Variants in OSBP2 observed in about 807,000 individuals in gnomAD.
OSBP2 encodes oxysterol-binding protein 2.
In OSBP2, 66 loss-of-function variants were observed where a neutral mutation model predicts 96.0. The ratio of observed to expected loss-of-function variants is 0.69; its 90% CI spans 0.56 to 0.84. The LOEUF is 0.84. OSBP2 is among the 40% of genes least tolerant of loss of function. OSBP2 has a pLI of 0.00. For missense variants in OSBP2, 1,038 were observed against 1,222.7 expected (o/e 0.85, Z 2.25); for synonymous variants, 525 against 520.9 (o/e 1.01, Z -0.11).
At chr22:30,710,936 G>T (rs2089336089) in intron 1 of OSBP2, among the ~76,000 whole-genome samples, 1 of 152,002 alleles carries the variant, frequency 6.6e-6, no homozygotes. Context: ...AGTAGAGACA[G>T]TTTCACCATG....
chr22:30,697,867 G>A (rs1477770341), intron 1 of OSBP2, among the ~76,000 whole-genome samples: 1 of 152,224 alleles, frequency 6.6e-6, no homozygotes, highest in Non-Finnish European at 1.5e-5. Flanking sequence ...GCCAGGAAAG[G>A]GGAACTGAGG....
chr22:30,836,466 C>T (rs1296696324), intron 2 of OSBP2, among the ~76,000 whole-genome samples: 2 of 152,204 alleles, frequency 1.3e-5, no homozygotes, highest in African/African-American at 4.8e-5. Flanking sequence ...TTCACATTTG[C>T]TCCACTGGCC....
intron 2 of OSBP2, among the ~76,000 whole-genome samples, chr22:30,759,135 G>T (rs994664078): frequency 6.6e-6 from 1 of 152,104 alleles, no homozygotes; most frequent in Non-Finnish European, 1.5e-5. Flanking sequence ...ATCACTTGAG[G>T]CCAGGAGTTC....
In OSBP2 at chr22:30,695,554, G is replaced by A; in HGVS notation, c.644+1G>A. ...GCAATGGTTTGCTCTCTTACTACAG[G>A]TATGGAAGCGCCAGGGTGGGACATG... On this transcript the variant is annotated splice_donor_variant, in intron 1 of 13. Coordinates refer to ENST00000332585, the MANE Select transcript of OSBP2 (RefSeq NM_030758.4). LOFTEE classifies it high-confidence loss of function. 1 of 1,602,140 alleles carries A rather than the reference G, an allele frequency of 6.2e-7. No individual in the cohort carries two copies. Among genetic ancestry groups the A allele is most frequent in the Non-Finnish European group, 8.5e-7 (1 of 1,177,466 alleles).
chr22:30,763,652 A>AC (rs1555911034), intron 2 of OSBP2, among the ~76,000 whole-genome samples: 6 of 148,834 alleles, frequency 4.0e-5, no homozygotes, highest in African/African-American at 1.5e-4. Flanking sequence ...AAAAAAAAAA[A>AC]CCCACAGGTC....
Position 30,890,784 on chromosome 22 carries a change from C to G in OSBP2, c.1680C>G (p.Tyr560Ter). ...MLQRLTEDLE[Y>*]HHLLDKAVHC... Reference sequence around the variant, plus strand: ...AGCGGCTGACAGAGGACCTGGAGTACCACCACCTGCTGGACAAGGCAGTGC... The same window carrying G: ...AGCGGCTGACAGAGGACCTGGAGTAGCACCACCTGCTGGACAAGGCAGTGC... Residue 560 changes from tyrosine (Y) to a stop codon, truncating the protein, a stop_gained, in exon 8 of 14, where the codon TAC (tyrosine) becomes TAG (stop). Coordinates refer to ENST00000332585, the MANE Select transcript of OSBP2 (RefSeq NM_030758.4). LOFTEE classifies it high-confidence loss of function. The surrounding 1 kb of genome is among the most constrained non-coding windows in gnomAD (Gnocchi z 4.4). 1 of 1,613,464 alleles carries G rather than the reference C, an allele frequency of 6.2e-7. No individual in the cohort carries two copies. Among genetic ancestry groups the G allele is most frequent in the Non-Finnish European group, 8.5e-7 (1 of 1,179,984 alleles).
At chr22:30,889,676 G>C (rs767338989) in intron 7 of OSBP2, 40 bp downstream of exon 7, 3 of 1,608,024 alleles carry the variant, frequency 1.9e-6, no homozygotes. Flanking sequence ...AGGTCCTCTG[G>C]GGCTGCTTTC....
chr22:30,881,623 C>A lies in OSBP2; in HGVS notation c.1108-5803C>A. On this transcript the variant is annotated intron_variant, in intron 3 of 13. Transcript: ENST00000332585. This position sits in a 1 kb window ranked among gnomAD's most constrained non-coding sequence, Gnocchi z 4.5. Reference sequence around the variant, plus strand: ...CCTGGGAACCTCCCCCTGCCAGTCCCTCTGCCGGGCCCCAAGCCTAATCCA... The same window carrying A: ...CCTGGGAACCTCCCCCTGCCAGTCCATCTGCCGGGCCCCAAGCCTAATCCA... 7.7e-7 allele frequency: 1 copy of A among 1,291,074 alleles called. No individual in the cohort carries two copies. The highest frequency in any genetic ancestry group is 1.0e-6 in the Non-Finnish European group (1 of 979,008). The allele number at this position is 1,291,074 out of a possible 1,614,324, so 80.0% of individuals were successfully genotyped here. A position where few individuals can be genotyped will look rare whatever the true frequency, so the allele number is the denominator to read the frequency against.
chr22:30,763,816 T>C (rs1301739716), intron 2 of OSBP2, among the ~76,000 whole-genome samples: 1 of 152,196 alleles, frequency 6.6e-6, no homozygotes, highest in Non-Finnish European at 1.5e-5. Context: ...TCTACGAGCA[T>C]TTAACCCTAT....
intron 1 of OSBP2, among the ~76,000 whole-genome samples, chr22:30,717,541 C>G (rs565074507): frequency 8.5e-5 from 13 of 152,284 alleles, no homozygotes; most frequent in African/African-American, 3.1e-4. Flanking sequence ...AAGTGGACCT[C>G]TAGAGTCCCT....
At chr22:30,736,165 C>T (rs1370294432) in intron 1 of OSBP2, among the ~76,000 whole-genome samples, 4 of 152,174 alleles carry the variant, frequency 2.6e-5, no homozygotes, top group South Asian at 2.1e-4. Context: ...CCACCCACTT[C>T]GGCCTCCCAA....
rs372404889 is a variant in OSBP2 at position 30,881,712 on chromosome 22, C to T, written c.1108-5714C>T. On this transcript the variant is annotated intron_variant, in intron 3 of 13. Coordinates refer to ENST00000332585, the MANE Select transcript of OSBP2 (RefSeq NM_030758.4). The surrounding 1 kb of genome is among the most constrained non-coding windows in gnomAD (Gnocchi z 4.5). ...CTGAGAACAGCAGGGCCACGCCAGG[C>T]GCCTGCCTCTCCCCACAGCACAGCC... 3.6e-5 allele frequency: 47 copies of T among 1,304,042 alleles called. No individual in the cohort carries two copies. In the East Asian group the frequency reaches 1.7e-3, roughly 46 times the overall value. 80.8% of individuals were successfully genotyped at this position (1,304,042 alleles called of 1,614,324 possible).
At chr22:30,898,659 T>A (rs2040118109) in intron 12 of OSBP2, among the ~76,000 whole-genome samples, 1 of 151,860 alleles carries the variant, frequency 6.6e-6, no homozygotes, top group Non-Finnish European at 1.5e-5. Flanking sequence ...AAGAATAGCA[T>A]GGGGGAAACC....
Position 30,871,968 on chromosome 22 carries a change from T to G in OSBP2, c.1107+1286T>G, listed in dbSNP as rs1335287670. On this transcript the variant is annotated intron_variant, in intron 3 of 13. Coordinates refer to ENST00000332585, the MANE Select transcript of OSBP2 (RefSeq NM_030758.4). The surrounding 1 kb of genome is among the most constrained non-coding windows in gnomAD (Gnocchi z 4.7). ...GGAATCCCACCCTGGGGCCTGAGGC[T>G]GGGCGAGGTGTGCCCCCCTTCCCGA... Among the ~76,000 whole-genome samples, 1 of 152,252 alleles carries G rather than the reference T, an allele frequency of 6.6e-6. No homozygotes were observed. The highest frequency in any genetic ancestry group is 1.5e-5 in the Non-Finnish European group (1 of 68,036).
At chr22:30,847,501 C>T (rs1325720167) in intron 2 of OSBP2, among the ~76,000 whole-genome samples, 5 of 152,128 alleles carry the variant, frequency 3.3e-5, no homozygotes, top group African/African-American at 7.2e-5. Context: ...AGGCTGGTCT[C>T]GAACTCCTGA....
intron 2 of OSBP2, among the ~76,000 whole-genome samples, chr22:30,800,495 G>A (rs890548729): frequency 2.0e-5 from 3 of 152,158 alleles, no homozygotes; most frequent in Non-Finnish European, 2.9e-5. Flanking sequence ...CTGGGAGGGC[G>A]GACGGGGGAT....
At chr22:30,813,737 T>C (rs1369209896) in intron 2 of OSBP2, among the ~76,000 whole-genome samples, 1 of 152,048 alleles carries the variant, frequency 6.6e-6, no homozygotes, top group African/African-American at 2.4e-5. Context: ...GCACCAGCCT[T>C]GTGTAGGGCA....
chr22:30,761,148 G>A (rs2090200270), intron 2 of OSBP2, among the ~76,000 whole-genome samples: 1 of 152,162 alleles, frequency 6.6e-6, no homozygotes, highest in Admixed American at 6.6e-5. Flanking sequence ...AAGGCACTCA[G>A]ATTGGGAAGA....
chr22:30,740,887 G>T (rs575752616), intron 1 of OSBP2, among the ~76,000 whole-genome samples: 1 of 152,170 alleles, frequency 6.6e-6, no homozygotes, highest in Non-Finnish European at 1.5e-5. Flanking sequence ...TGTCTGCAAA[G>T]CTTTAGACCA....
Sources: allele counts gnomAD v4.1 joint callset (sites outside exome capture counted in the v4.1 genomes callset), GRCh38; gene constraint gnomAD v4.1.1; non-coding constraint Gnocchi (gnomAD v3.1); transcripts MANE v1.5; gene names NCBI Gene and HGNC (gene_info 2026-07-23, HGNC 2026-07-21).